RANBP2: variants seen among roughly 807,000 people sequenced by gnomAD.
RANBP2 encodes the protein E3 SUMO-protein ligase RanBP2.
A neutral mutation model predicts 303.6 loss-of-function variants in RANBP2; 57 were observed. That is an observed-to-expected ratio of 0.19 (90% confidence interval 0.15 to 0.23). The LOEUF (loss-of-function observed/expected upper bound fraction) is 0.23, where lower values mean the gene tolerates loss of function less well. Among genes scored for constraint, RANBP2 ranks in the 10% least tolerant of loss-of-function variants. RANBP2 has a pLI of 1.00. For missense variants in RANBP2, 3,138 were observed against 3,780.8 expected, an observed-to-expected ratio of 0.83 and a Z score of 4.46; for synonymous variants, 1,167 against 1,301.5, an observed-to-expected ratio of 0.90 and a Z score of 2.23.
At chr2:109,671,179 G>T in the RANBP2 span, among the ~76,000 whole-genome samples, 1 of 152,050 alleles carries the variant, frequency 6.6e-6, no homozygotes, top group East Asian at 1.9e-4. Flanking sequence ...TCCACCTGCT[G>T]GATATTGGAG....
At chr2:109,733,078 G>A in the RANBP2 span, 3 of 553,408 alleles carry the variant, frequency 5.4e-6, no homozygotes, top group South Asian at 4.1e-5. Flanking sequence ...GCCGGAGCAG[G>A]TCCCTTTCTG....
the RANBP2 span, among the ~76,000 whole-genome samples, chr2:109,274,363 C>T: frequency 2.0e-3 from 303 of 152,200 alleles, 1 homozygote; most frequent in Non-Finnish European, 3.6e-3. Context: ...TACACAGTAG[C>T]GAAAAGGTGG....
chr2:109,598,252 G>C, the RANBP2 span, among the ~76,000 whole-genome samples: 1 of 151,794 alleles, frequency 6.6e-6, no homozygotes, highest in South Asian at 2.1e-4. Flanking sequence ...ATTTTTATTA[G>C]AGACAGGGTT....
chr2:109,586,450 T>C, the RANBP2 span, among the ~76,000 whole-genome samples: 24 of 152,296 alleles, frequency 1.6e-4, no homozygotes, highest in African/African-American at 5.1e-4. Flanking sequence ...AAAAGGAAGA[T>C]AGAGCTCAGG....
the RANBP2 span, among the ~76,000 whole-genome samples, chr2:109,728,531 C>T: frequency 1.3e-5 from 2 of 151,646 alleles, no homozygotes; most frequent in East Asian, 1.9e-4. Flanking sequence ...TCTTGGCTCA[C>T]AGCAACCTCC....
chr2:108,955,945 C>T, the RANBP2 span, among the ~76,000 whole-genome samples: 8 of 152,060 alleles, frequency 5.3e-5, no homozygotes, highest in Admixed American at 2.6e-4. Flanking sequence ...AGAAGAATGG[C>T]GGGAACCCAG....
chr2:109,716,548 C>A, the RANBP2 span, among the ~76,000 whole-genome samples: 3 of 150,590 alleles, frequency 2.0e-5, no homozygotes, highest in African/African-American at 7.3e-5. Flanking sequence ...CCGCACCCAG[C>A]CTTATTTTAT....
the RANBP2 span, among the ~76,000 whole-genome samples, chr2:109,505,781 C>T: frequency 6.6e-6 from 1 of 152,208 alleles, no homozygotes; most frequent in African/African-American, 2.4e-5. Context: ...GTCAAGTCTA[C>T]CCTCAGAACT....
chr2:109,406,796 C>T, the RANBP2 span, among the ~76,000 whole-genome samples: 2 of 152,148 alleles, frequency 1.3e-5, no homozygotes, highest in South Asian at 4.1e-4. Context: ...AGAAATGAAG[C>T]AACCAGTGCA....
At chr2:108,729,578 A>G (rs1413638021) in intron 2 of RANBP2, among the ~76,000 whole-genome samples, 4 of 152,256 alleles carry the variant, frequency 2.6e-5, no homozygotes, top group African/African-American at 4.8e-5. Flanking sequence ...ATTGTAAGGC[A>G]GGAGAATAGC....
chr2:109,104,583 G>A, the RANBP2 span, among the ~76,000 whole-genome samples: 13 of 151,396 alleles, frequency 8.6e-5, no homozygotes, highest in South Asian at 2.1e-4. Context: ...TCCCGGGTTC[G>A]TGCCATTCTC....
At chr2:109,117,815 A>G in the RANBP2 span, among the ~76,000 whole-genome samples, 3 of 152,240 alleles carry the variant, frequency 2.0e-5, no homozygotes, top group Admixed American at 6.5e-5. Flanking sequence ...GCAAGGCTAC[A>G]GTAATATTTT....
chr2:109,446,375 C>A, the RANBP2 span, among the ~76,000 whole-genome samples: 13 of 152,222 alleles, frequency 8.5e-5, no homozygotes, highest in Non-Finnish European at 1.8e-4. Flanking sequence ...GCAGCCATGT[C>A]CCCACCTCAT....
the RANBP2 span, among the ~76,000 whole-genome samples, chr2:109,763,124 GGTA>G: frequency 2.7e-5 from 4 of 149,980 alleles, 1 homozygote; most frequent in South Asian, 8.7e-4. Flanking sequence ...GTAAGTAAGT[GGTA>G]GTAGTTCCAT....
At chr2:109,182,019 C>T in the RANBP2 span, among the ~76,000 whole-genome samples, 1 of 151,964 alleles carries the variant, frequency 6.6e-6, no homozygotes, top group Non-Finnish European at 1.5e-5. Flanking sequence ...TTTTGAACTT[C>T]AAAAAAATTA....
At chr2:109,279,471 G>A in the RANBP2 span, among the ~76,000 whole-genome samples, 1 of 152,166 alleles carries the variant, frequency 6.6e-6, no homozygotes, top group East Asian at 1.9e-4. Flanking sequence ...ATGCTGCTAT[G>A]CTGCTAATGT....
chr2:109,457,155 TTTAG>T, the RANBP2 span, among the ~76,000 whole-genome samples: 3 of 152,306 alleles, frequency 2.0e-5, no homozygotes, highest in African/African-American at 7.2e-5. Flanking sequence ...GAGTAGTAAA[TTTAG>T]TTAGTTTGAC....
the RANBP2 span, among the ~76,000 whole-genome samples, chr2:109,326,103 T>C: frequency 2.0e-5 from 3 of 152,210 alleles, no homozygotes; most frequent in Non-Finnish European, 2.9e-5. Flanking sequence ...GGTAAAACAT[T>C]TAAGGACACA....
the RANBP2 span, among the ~76,000 whole-genome samples, chr2:108,926,709 A>G: frequency 1.3e-5 from 2 of 152,274 alleles, no homozygotes; most frequent in Admixed American, 6.5e-5. Context: ...GGTGCTGCTC[A>G]TTGTTCAGCA....
Sources: allele counts gnomAD v4.1 joint callset (sites outside exome capture counted in the v4.1 genomes callset), GRCh38; gene constraint gnomAD v4.1.1; transcripts MANE v1.5; gene names NCBI Gene and HGNC (gene_info 2026-07-23, HGNC 2026-07-21).